GALNT13: variants seen among roughly 807,000 people sequenced by gnomAD.
GALNT13 encodes UDP-GalNAc:polypeptide N-acetylgalactosaminyltransferase 13.
Under a neutral mutation model 64.2 loss-of-function variants are expected in GALNT13, and 28 were observed. The ratio of observed to expected loss-of-function variants is 0.44; its 90% CI spans 0.32 to 0.60. The LOEUF (loss-of-function observed/expected upper bound fraction) is 0.60. Ranked by LOEUF, GALNT13 falls within the 20% of genes least tolerant of loss-of-function variation. The pLI is 0.05. For synonymous variants in GALNT13, 214 were observed against 224.6 expected (o/e 0.95, Z 0.42); for missense variants, 577 against 669.8 (o/e 0.86, Z 1.53).
chr2:154,006,529 C>T (rs960318910), intron 3 of GALNT13, among the ~76,000 whole-genome samples: 1 of 152,026 alleles, frequency 6.6e-6, no homozygotes, highest in South Asian at 2.1e-4. Flanking sequence ...CATAACATAT[C>T]AGAAAAATGG....
intron 11 of GALNT13, among the ~76,000 whole-genome samples, chr2:154,432,925 A>G (rs1047520186): frequency 2.6e-5 from 4 of 152,088 alleles, no homozygotes; most frequent in Non-Finnish European, 5.9e-5. Flanking sequence ...AGATTACAAG[A>G]TTTTGCCTGG....
chr2:153,694,780 C>A, the GALNT13 span, among the ~76,000 whole-genome samples: 3 of 152,086 alleles, frequency 2.0e-5, no homozygotes, highest in Admixed American at 1.3e-4. Flanking sequence ...TTTTACAAAT[C>A]TGTTCTCCAC....
chr2:154,002,927 G>A (rs1696007067), intron 3 of GALNT13, among the ~76,000 whole-genome samples: 1 of 152,136 alleles, frequency 6.6e-6, no homozygotes, highest in Non-Finnish European at 1.5e-5. Flanking sequence ...CCCATGCTGA[G>A]GATGACTTAT....
chr2:153,527,832 G>A, the GALNT13 span, among the ~76,000 whole-genome samples: 2 of 151,994 alleles, frequency 1.3e-5, no homozygotes, highest in Non-Finnish European at 2.9e-5. Context: ...GCTTGTTTAT[G>A]CAAACAGGAT....
chr2:153,981,934 G>A (rs1694494104), intron 3 of GALNT13, among the ~76,000 whole-genome samples: 1 of 151,598 alleles, frequency 6.6e-6, no homozygotes, highest in Non-Finnish European at 1.5e-5. Context: ...ATATTATCAT[G>A]TCTATTACTA....
chr2:153,953,746 C>T (rs1276090142), intron 3 of GALNT13, among the ~76,000 whole-genome samples: 2 of 152,084 alleles, frequency 1.3e-5, no homozygotes, highest in African/African-American at 4.8e-5. Context: ...TACTAGTGAT[C>T]TTTCTGCTTG....
intron 4 of GALNT13, among the ~76,000 whole-genome samples, chr2:154,218,161 T>TG (rs1030002704): frequency 2.6e-5 from 4 of 152,140 alleles, no homozygotes; most frequent in African/African-American, 9.7e-5. Flanking sequence ...ACCCAGAGAA[T>TG]GGTCTGACTT....
the GALNT13 span, among the ~76,000 whole-genome samples, chr2:153,148,427 C>A: frequency 4.0e-5 from 6 of 150,962 alleles, no homozygotes; most frequent in East Asian, 1.2e-3. Flanking sequence ...TGAATCAAAT[C>A]GTAGAGGCAT....
chr2:153,801,253 A>C, the GALNT13 span, among the ~76,000 whole-genome samples: 22 of 151,338 alleles, frequency 1.5e-4, no homozygotes, highest in African/African-American at 5.1e-4. Context: ...TTTTCTTCAA[A>C]AATTTTTCCT....
chr2:153,753,032 G>T, the GALNT13 span, among the ~76,000 whole-genome samples: 1 of 151,910 alleles, frequency 6.6e-6, no homozygotes, highest in Non-Finnish European at 1.5e-5. Flanking sequence ...ACTATTAAAG[G>T]ACTCTAATGC....
At chr2:153,564,779 G>C in the GALNT13 span, among the ~76,000 whole-genome samples, 4 of 152,136 alleles carry the variant, frequency 2.6e-5, no homozygotes, top group Non-Finnish European at 5.9e-5. Flanking sequence ...TGTGTCGAAA[G>C]TCGCTCTCTT....
chr2:153,410,684 G>A, the GALNT13 span, among the ~76,000 whole-genome samples: 1 of 152,026 alleles, frequency 6.6e-6, no homozygotes, highest in Non-Finnish European at 1.5e-5. Flanking sequence ...GAGATATAAT[G>A]TAAAAAATGT....
At chr2:153,709,992 A>G in the GALNT13 span, among the ~76,000 whole-genome samples, 2 of 152,080 alleles carry the variant, frequency 1.3e-5, no homozygotes, top group African/African-American at 4.8e-5. Flanking sequence ...GGTGGACGCA[A>G]TGTGGAAATG....
At chr2:154,101,917 C>T (rs1357055257) in intron 3 of GALNT13, among the ~76,000 whole-genome samples, 2 of 152,024 alleles carry the variant, frequency 1.3e-5, no homozygotes, top group African/African-American at 4.8e-5. Flanking sequence ...AATTCAGGAG[C>T]AAGTTGTTTA....
chr2:153,809,193 T>A, the GALNT13 span, among the ~76,000 whole-genome samples: 2 of 152,240 alleles, frequency 1.3e-5, no homozygotes, highest in South Asian at 4.1e-4. Context: ...TCTTGTCTTT[T>A]TATCATCGAA....
At chr2:153,438,056 A>G in the GALNT13 span, among the ~76,000 whole-genome samples, 41 of 152,158 alleles carry the variant, frequency 2.7e-4, no homozygotes, top group African/African-American at 8.4e-4. Flanking sequence ...GCTTGTCTGT[A>G]AAGTATTTTA....
the GALNT13 span, among the ~76,000 whole-genome samples, chr2:153,364,456 C>T: frequency 2.0e-5 from 3 of 152,132 alleles, no homozygotes; most frequent in Middle Eastern, 3.2e-3. Flanking sequence ...TCTTTGTTTG[C>T]AGATGACATG....
At chr2:153,803,309 C>T in the GALNT13 span, among the ~76,000 whole-genome samples, 1 of 152,186 alleles carries the variant, frequency 6.6e-6, no homozygotes, top group Non-Finnish European at 1.5e-5. Flanking sequence ...AATATAATTA[C>T]ATTTGAAGAT....
At chr2:153,411,183 T>A in the GALNT13 span, among the ~76,000 whole-genome samples, 394 of 149,054 alleles carry the variant, frequency 2.6e-3, 1 homozygote, top group East Asian at 0.01. Flanking sequence ...ATATATATTT[T>A]TTTTTTTTCC....
Sources: gnomAD v4.1 joint callset for allele counts (sites outside exome capture counted in the v4.1 genomes callset) on GRCh38, gnomAD v4.1.1 for gene constraint, MANE v1.5 for transcripts, NCBI Gene and HGNC (gene_info 2026-07-23, HGNC 2026-07-21) for gene names.